GRIK2: variants seen among roughly 807,000 people sequenced by gnomAD.
GRIK2 encodes the protein glutamate receptor ionotropic, kainate 2.
In GRIK2, 32 loss-of-function variants were observed where a neutral mutation model predicts 100.3. That is an observed-to-expected ratio of 0.32 (90% confidence interval 0.24 to 0.43). The LOEUF is 0.43. Among genes scored for constraint, GRIK2 ranks in the 20% least tolerant of loss-of-function variants. The pLI is 1.00. For synonymous variants in GRIK2, 417 were observed against 389.4 expected (o/e 1.07, Z -0.83); for missense variants, 843 against 1,114.9 (o/e 0.76, Z 3.47).
intron 10 of GRIK2, among the ~76,000 whole-genome samples, chr6:101,837,208 TC>T (rs1373975239): frequency 6.6e-6 from 1 of 152,142 alleles, no homozygotes; most frequent in East Asian, 1.9e-4. Flanking sequence ...AGGTCTCACA[TC>T]CAGACATTCA....
Position 101,913,194 on chromosome 6 carries a change from G to A in GRIK2, c.1749-11407G>A, listed in dbSNP as rs568295215. ...CTATCAATATTACTACATTGCTCTC[G>A]CTTAATAAAATACACACGGAAGAAC... On this transcript the variant is annotated intron_variant, in intron 12 of 16. Transcript: ENST00000369134. Among the ~76,000 whole-genome samples the A allele has an allele frequency of 1.6e-4, 24 of 151,534 alleles. 1 individual carries two copies. In the South Asian group the frequency reaches 2.1e-3, roughly 13 times the overall value.
chr6:101,986,561 A>C (rs1794026623), intron 14 of GRIK2, among the ~76,000 whole-genome samples: 1 of 151,946 alleles, frequency 6.6e-6, no homozygotes, highest in Non-Finnish European at 1.5e-5. Context: ...TGAAAAATAC[A>C]GAGGTTTGTT....
At chr6:101,596,681 A>AT (rs1778944739) in intron 2 of GRIK2, among the ~76,000 whole-genome samples, 1 of 151,688 alleles carries the variant, frequency 6.6e-6, no homozygotes, top group African/African-American at 2.4e-5. Context: ...AATCATAAAA[A>AT]CCCTTAAATA....
intron 10 of GRIK2, among the ~76,000 whole-genome samples, chr6:101,825,248 C>A (rs1475300274): frequency 1.3e-5 from 2 of 152,304 alleles, no homozygotes; most frequent in Middle Eastern, 3.4e-3. Flanking sequence ...GACAACCACA[C>A]TTTTTCTCAC....
intron 14 of GRIK2, among the ~76,000 whole-genome samples, chr6:101,971,715 AATAGGTAGTTTT>A (rs1465645403): frequency 6.6e-6 from 1 of 151,850 alleles, no homozygotes; most frequent in Non-Finnish European, 1.5e-5. Flanking sequence ...AATAGTGTCC[AATAGGTAGTTTT>A]TCACCCATTG....
intron 14 of GRIK2, among the ~76,000 whole-genome samples, chr6:101,931,457 CGA>C (rs1562494522): frequency 6.6e-6 from 1 of 152,020 alleles, no homozygotes. Flanking sequence ...TTATAAAAAA[CGA>C]TACAGTTTTG....
chr6:101,749,899 G>A lies in GRIK2; in HGVS notation c.952-49749G>A, dbSNP rs559905140. Among the ~76,000 whole-genome samples the A allele has an allele frequency of 2.8e-3, 383 of 137,094 alleles. 2 individuals carry two copies. The highest frequency in any genetic ancestry group is 5.3e-3 in the African/African-American group (192 of 36,446). 89.9% of individuals were successfully genotyped at this position (137,094 alleles called of 152,430 possible). Reference sequence around the variant, plus strand: ...TCAATCTCGGCTCACCTCAACCTCCGCCTCCCAGGTTCAACTGATTCTCCT... The same window carrying A: ...TCAATCTCGGCTCACCTCAACCTCCACCTCCCAGGTTCAACTGATTCTCCT... On this transcript the variant is annotated intron_variant, in intron 7 of 16. Transcript: ENST00000369134.
chr6:101,828,987 G>C (rs571191792), intron 10 of GRIK2, among the ~76,000 whole-genome samples: 8 of 152,042 alleles, frequency 5.3e-5, no homozygotes, highest in African/African-American at 1.9e-4. Context: ...CAATATTCTT[G>C]ATGAACATAG....
intron 2 of GRIK2, among the ~76,000 whole-genome samples, chr6:101,434,033 C>G (rs1022883856): frequency 4.6e-5 from 7 of 152,214 alleles, no homozygotes; most frequent in African/African-American, 1.7e-4. Flanking sequence ...CTGTAGCCCG[C>G]TGACACGGGT....
chr6:102,028,968 A>T (rs1182886320), intron 14 of GRIK2, among the ~76,000 whole-genome samples: 2 of 151,290 alleles, frequency 1.3e-5, no homozygotes, highest in Non-Finnish European at 1.5e-5. Context: ...ATTATTTGCT[A>T]ATAGAAAATT....
intron 2 of GRIK2, among the ~76,000 whole-genome samples, chr6:101,543,993 G>T (rs1776121786): frequency 6.6e-6 from 1 of 151,926 alleles, no homozygotes; most frequent in African/African-American, 2.4e-5. Context: ...GATCTCAGTG[G>T]GACGCTGGTT....
intron 14 of GRIK2, among the ~76,000 whole-genome samples, chr6:101,947,293 A>G (rs1465722200): frequency 6.6e-6 from 1 of 152,166 alleles, no homozygotes; most frequent in African/African-American, 2.4e-5. Context: ...TAGAGTATTG[A>G]GAATTTTTAA....
intron 15 of GRIK2, among the ~76,000 whole-genome samples, chr6:102,048,304 A>AT (rs1276489598): frequency 6.6e-6 from 1 of 151,942 alleles, no homozygotes; most frequent in Non-Finnish European, 1.5e-5. Flanking sequence ...GTTGGGCAAT[A>AT]TTTTTTTAGA....
chr6:101,398,841 T>A (rs1188809571), intron 1 of GRIK2, 144 bp from the exon 2 acceptor site: 3 of 395,624 alleles, frequency 7.6e-6, no homozygotes, highest in Non-Finnish European at 1.3e-5. Context: ...CGTCAGAAGC[T>A]GTGCAGCAGT....
At chr6:101,455,759 T>C (rs1244972066) in intron 2 of GRIK2, among the ~76,000 whole-genome samples, 3 of 152,124 alleles carry the variant, frequency 2.0e-5, no homozygotes, top group African/African-American at 7.2e-5. Flanking sequence ...TGAGTCTCTA[T>C]TTAAATATGT....
At chr6:101,704,966 A>T (rs1019127569) in intron 7 of GRIK2, among the ~76,000 whole-genome samples, 6 of 145,282 alleles carry the variant, frequency 4.1e-5, no homozygotes. Context: ...TCTAACTTTC[A>T]TATATATTTA....
chr6:101,913,263 A>C (rs891912261), intron 12 of GRIK2, among the ~76,000 whole-genome samples: 4 of 151,570 alleles, frequency 2.6e-5, no homozygotes, highest in Non-Finnish European at 5.9e-5. Flanking sequence ...TAATACCTCT[A>C]TTATGCCCAA....
intron 11 of GRIK2, among the ~76,000 whole-genome samples, chr6:101,874,421 AT>A (rs1336601890): frequency 6.6e-6 from 1 of 151,956 alleles, no homozygotes; most frequent in Non-Finnish European, 1.5e-5. Flanking sequence ...GTGTGGTATT[AT>A]TTGTGCGGGC....
intron 2 of GRIK2, among the ~76,000 whole-genome samples, chr6:101,422,715 A>G (rs1265866797): frequency 6.6e-6 from 1 of 152,158 alleles, no homozygotes; most frequent in African/African-American, 2.4e-5. Flanking sequence ...TTTTGAATAT[A>G]AATTCAATCT....
Sources: allele counts gnomAD v4.1 joint callset (sites outside exome capture counted in the v4.1 genomes callset), GRCh38; gene constraint gnomAD v4.1.1; transcripts MANE v1.5; gene names NCBI Gene and HGNC (gene_info 2026-07-23, HGNC 2026-07-21).